FBXW10: variants seen among roughly 807,000 people sequenced by gnomAD.
FBXW10 encodes the protein F-box and WD repeat domain containing 10, also known as F-box/WD repeat-containing protein 10.
In FBXW10, 68 loss-of-function variants were observed where a neutral mutation model predicts 113.1. The observed-to-expected ratio is 0.60, with a 90% confidence interval of 0.49 to 0.74. The LOEUF (loss-of-function observed/expected upper bound fraction) is 0.74. Ranked by LOEUF, FBXW10 falls within the 30% of genes least tolerant of loss-of-function variation. The pLI, the probability that FBXW10 is intolerant of heterozygous loss-of-function variation, is 0.00. For synonymous variants in FBXW10, 289 were observed against 481.6 expected, an observed-to-expected ratio of 0.60 and a Z score of 5.24; for missense variants, 753 against 1,284.5, an observed-to-expected ratio of 0.59 and a Z score of 6.32.
chr17:18,759,619 G>T (rs202111205), intron 7 of FBXW10, among the ~76,000 whole-genome samples: 2,108 of 129,464 alleles, frequency 0.016, no homozygotes, highest in South Asian at 0.026. Flanking sequence ...CTAGTTTTTT[G>T]TTTTTTTTTT....
chr17:18,747,049 C>G (rs1160210398), intron 1 of FBXW10, among the ~76,000 whole-genome samples: 1 of 151,750 alleles, frequency 6.6e-6, no homozygotes, highest in African/African-American at 2.4e-5. Context: ...CTCAGCCTCC[C>G]GAGTAGCTGG....
chr17:18,751,127 G>C, intron 5 of FBXW10, 74 bp downstream of exon 5: 1 of 1,592,158 alleles, frequency 6.3e-7, no homozygotes, highest in South Asian at 1.1e-5. Flanking sequence ...CTGAGGTCCA[G>C]ACTCAGCCCT....
intron 7 of FBXW10, among the ~76,000 whole-genome samples, chr17:18,761,051 A>G (rs1209891251): frequency 1.3e-5 from 2 of 152,052 alleles, no homozygotes; most frequent in Non-Finnish European, 2.9e-5. Flanking sequence ...CTACTATATA[A>G]CCTGCCACTT....
intron 13 of FBXW10, among the ~76,000 whole-genome samples, chr17:18,778,087 A>G (rs2035735537): frequency 6.6e-6 from 1 of 151,140 alleles, no homozygotes; most frequent in Non-Finnish European, 1.5e-5. Flanking sequence ...TGTCTCTACT[A>G]AAAAAAATAC....
chr17:18,768,122 CAGT>C (rs2035538430), intron 9 of FBXW10, among the ~76,000 whole-genome samples: 1 of 35,790 alleles, frequency 2.8e-5, no homozygotes, highest in Admixed American at 2.9e-4. Context: ...TGGAGCACAG[CAGT>C]GGTGAGATCT....
intron 7 of FBXW10, among the ~76,000 whole-genome samples, chr17:18,762,482 G>A (rs961476791): frequency 4.0e-5 from 6 of 149,486 alleles, no homozygotes; most frequent in African/African-American, 7.4e-5. Flanking sequence ...CACGCCCGGC[G>A]GCTAATGTTT....
intron 6 of FBXW10, among the ~76,000 whole-genome samples, chr17:18,757,883 CT>C (rs2035296907): frequency 6.6e-6 from 1 of 151,628 alleles, no homozygotes; most frequent in Non-Finnish European, 1.5e-5. Flanking sequence ...CTAATATATG[CT>C]CACTGGATAT....
At chr17:18,762,309 A>G (rs2035401797) in intron 7 of FBXW10, among the ~76,000 whole-genome samples, 2 of 148,132 alleles carry the variant, frequency 1.4e-5, no homozygotes, top group South Asian at 4.3e-4. Flanking sequence ...GCAAATGACA[A>G]TATATTATCT....
At chr17:18,775,549 A>G (rs1443638965) in intron 13 of FBXW10, among the ~76,000 whole-genome samples, 1 of 152,134 alleles carries the variant, frequency 6.6e-6, no homozygotes, top group Non-Finnish European at 1.5e-5. Context: ...CAGCTTCCTC[A>G]CTTCTTGGAC....
intron 12 of FBXW10, among the ~76,000 whole-genome samples, chr17:18,773,462 G>T (rs2035652637): frequency 6.6e-6 from 1 of 152,234 alleles, no homozygotes; most frequent in South Asian, 2.1e-4. Flanking sequence ...TTTGTAGCTG[G>T]AAAATCTTAC....
chr17:18,775,062 A>G, intron 12 of FBXW10, 74 bp from the exon 13 acceptor site: 1 of 943,948 alleles, frequency 1.1e-6, no homozygotes, highest in Non-Finnish European at 1.7e-6. Context: ...CAGCCCCATT[A>G]TTATTGATTA....
intron 6 of FBXW10, 64 bp from the exon 7 acceptor site, chr17:18,758,241 A>T (rs1461321346): frequency 7.8e-7 from 1 of 1,289,710 alleles, no homozygotes; most frequent in East Asian, 2.5e-5. Context: ...TCATGGGGCT[A>T]AGTCAGTCCC....
chr17:18,755,580 A>G (rs2035245884), intron 5 of FBXW10, among the ~76,000 whole-genome samples: 4 of 152,008 alleles, frequency 2.6e-5, no homozygotes, highest in African/African-American at 9.6e-5. Context: ...AATGCATAGC[A>G]TAGCATGTGT....
In FBXW10 at chr17:18,776,448, T is replaced by C. The variant is rs1226003501; in HGVS notation, c.2335+1256T>C. Among the ~76,000 whole-genome samples, 8 of 152,234 alleles carry C rather than the reference T, an allele frequency of 5.3e-5. No individual in the cohort carries two copies. In the East Asian group the frequency reaches 5.8e-4, roughly 11 times the overall value. On this transcript the variant is annotated intron_variant, in intron 13 of 13. Coordinates refer to ENST00000395665, the MANE Select transcript of FBXW10 (RefSeq NM_001267585.2). Reference sequence around the variant, plus strand: ...TTTGGCTAGTATAGTAGTGTTTCTTTGGAACAAACTCTGTGCAGAGACTGG... The same window carrying C: ...TTTGGCTAGTATAGTAGTGTTTCTTCGGAACAAACTCTGTGCAGAGACTGG...
intron 11 of FBXW10, among the ~76,000 whole-genome samples, chr17:18,770,479 T>A (rs2035592197): frequency 6.6e-6 from 1 of 152,056 alleles, no homozygotes; most frequent in South Asian, 2.1e-4. Flanking sequence ...ATTTTTAGTA[T>A]TTTTAGTAGA....
intron 11 of FBXW10, among the ~76,000 whole-genome samples, chr17:18,770,819 A>G (rs1457776211): frequency 6.6e-6 from 1 of 152,164 alleles, no homozygotes; most frequent in African/African-American, 2.4e-5. Context: ...CAGGGGGTAC[A>G]GTGGGGGAAA....
At chr17:18,747,221 G>A (rs373590960) in intron 1 of FBXW10, among the ~76,000 whole-genome samples, 4 of 151,972 alleles carry the variant, frequency 2.6e-5, no homozygotes, top group African/African-American at 9.7e-5. Flanking sequence ...CCATCACGCC[G>A]GGCCAACAAC....
chr17:18,764,943 C>G, intron 8 of FBXW10, 80 bp downstream of exon 8: 1 of 1,612,288 alleles, frequency 6.2e-7, no homozygotes, highest in South Asian at 1.1e-5. Context: ...TTGCTCATTT[C>G]TATAGGCAGG....
At chr17:18,765,000 C>T in intron 8 of FBXW10, 137 bp downstream of exon 8, 1 of 1,575,402 alleles carries the variant, frequency 6.3e-7, no homozygotes, top group Non-Finnish European at 8.7e-7. Context: ...CCCACCCACC[C>T]ATCCTTCCTT....
Sources: allele counts gnomAD v4.1 joint callset (sites outside exome capture counted in the v4.1 genomes callset), GRCh38; gene constraint gnomAD v4.1.1; transcripts MANE v1.5; gene names NCBI Gene and HGNC (gene_info 2026-07-23, HGNC 2026-07-21).